The following ENOX1 variants were observed in gnomAD, a reference collection of about 807,000 sequenced individuals.
ENOX1 encodes the protein candidate growth-related and time keeping constitutive hydroquinone (NADH) oxidase.
ENOX1 carries 42 observed loss-of-function variants against 82.5 expected under a neutral mutation model. The observed-to-expected ratio is 0.51, with a 90% CI of 0.40 to 0.66. ENOX1 has a LOEUF of 0.66. Ranked by LOEUF, ENOX1 falls within the 30% of genes least tolerant of loss-of-function variation. ENOX1 has a pLI of 0.00. For synonymous variants in ENOX1, 271 were observed against 282.2 expected (o/e 0.96, Z 0.40); for missense variants, 608 against 811.6 (o/e 0.75, Z 3.05).
intron 12 of ENOX1, among the ~76,000 whole-genome samples, chr13:43,283,396 T>C (rs2045512502): frequency 6.6e-6 from 1 of 152,090 alleles, no homozygotes; most frequent in African/African-American, 2.4e-5. Flanking sequence ...GTTGCTATTT[T>C]AGTTATTTTT....
At chr13:43,661,998 T>C (rs1162159025) in intron 2 of ENOX1, among the ~76,000 whole-genome samples, 3 of 152,202 alleles carry the variant, frequency 2.0e-5, no homozygotes, top group Non-Finnish European at 4.4e-5. Flanking sequence ...AGATTGATTT[T>C]TTTTTATAGA....
chr13:43,350,287 T>C (rs2049687707), intron 8 of ENOX1, among the ~76,000 whole-genome samples: 1 of 152,234 alleles, frequency 6.6e-6, no homozygotes, highest in Non-Finnish European at 1.5e-5. Context: ...AAGACAGTCA[T>C]GATTTCACCG....
chr13:43,456,527 T>G (rs112722424), intron 3 of ENOX1, among the ~76,000 whole-genome samples: 2,827 of 152,236 alleles, frequency 0.019, 38 homozygotes, highest in Middle Eastern at 0.048. Context: ...CAGTCATTTT[T>G]TGGACTGAGT....
At chr13:43,703,125 ACTT>A (rs1275340422) in intron 1 of ENOX1, among the ~76,000 whole-genome samples, 1 of 152,014 alleles carries the variant, frequency 6.6e-6, no homozygotes, top group African/African-American at 2.4e-5. Flanking sequence ...AAAGCAATAA[ACTT>A]CTACTGTTTA....
At chr13:43,414,579 T>A (rs1400581289) in intron 3 of ENOX1, among the ~76,000 whole-genome samples, 2 of 152,204 alleles carry the variant, frequency 1.3e-5, no homozygotes, top group East Asian at 3.8e-4. Context: ...TCACCAACGA[T>A]CTTTCTACGA....
At chr13:43,515,748 A>T (rs1435200665) in intron 2 of ENOX1, among the ~76,000 whole-genome samples, 2 of 152,220 alleles carry the variant, frequency 1.3e-5, no homozygotes, top group African/African-American at 4.8e-5. Flanking sequence ...AAAGTGCTGG[A>T]GAGCAACTGC....
At chr13:43,224,710 T>G (rs1454075659) in intron 15 of ENOX1, among the ~76,000 whole-genome samples, 1 of 152,244 alleles carries the variant, frequency 6.6e-6, no homozygotes, top group African/African-American at 2.4e-5. Context: ...CAGCTCATTC[T>G]CCCCTTCTTG....
chr13:43,572,653 C>A (rs1382212288), intron 2 of ENOX1, among the ~76,000 whole-genome samples: 8 of 152,228 alleles, frequency 5.3e-5, no homozygotes, highest in Non-Finnish European at 1.0e-4. Context: ...AATCTCTGCT[C>A]TTCTGCCTTT....
At chr13:43,577,139 T>C (rs5803190) in intron 2 of ENOX1, among the ~76,000 whole-genome samples, 16 of 134,084 alleles carry the variant, frequency 1.2e-4, no homozygotes, top group South Asian at 2.5e-4. Flanking sequence ...TTTTTTTTTT[T>C]CTTTTTTTTT....
At position 43,497,875 on chromosome 13, in the gene ENOX1, C is replaced by T. The variant is rs560162595; in HGVS notation, c.-218-13723G>A. On this transcript the variant is annotated intron_variant, in intron 2 of 16. Coordinates refer to ENST00000690772, the MANE Select transcript of ENOX1 (RefSeq NM_001347969.2). ...GATCTGGAGTGTTCTTTGTGGGAAG[C>T]CTCTGAATTATAAATTCAATTTAGT... Among the ~76,000 whole-genome samples, 17 of 151,974 alleles carry T rather than the reference C, an allele frequency of 1.1e-4. No individual in the cohort carries two copies. The South Asian group carries it at 3.5e-3, about 32-fold the overall frequency.
chr13:43,338,892 A>T (rs558167042), intron 9 of ENOX1, among the ~76,000 whole-genome samples: 5 of 151,924 alleles, frequency 3.3e-5, no homozygotes, highest in African/African-American at 1.2e-4. Flanking sequence ...TCACCGTGTT[A>T]GCCAGGATGG....
chr13:43,219,050 T>G (rs1226939487), intron 16 of ENOX1, among the ~76,000 whole-genome samples: 1 of 152,184 alleles, frequency 6.6e-6, no homozygotes, highest in Non-Finnish European at 1.5e-5. Context: ...GGCTGAGCTC[T>G]GAGTGAAGTT....
In ENOX1 at chr13:43,482,601, G is replaced by C. The variant is rs141409374; in HGVS notation, c.-75+1408C>G. Among the ~76,000 whole-genome samples, 289 of 151,004 alleles carry C rather than the reference G, an allele frequency of 1.9e-3. 2 individuals carry two copies. The highest frequency in any genetic ancestry group is 6.8e-3 in the African/African-American group (278 of 41,124). On this transcript the variant is annotated intron_variant, in intron 3 of 16. Transcript: ENST00000690772. ...CACTAAAGTATGGACTTAAAAATTT[G>C]TTAAAGGGTAGATTTCATATTTTGT...
chr13:43,742,441 G>C (rs1949792313), intron 1 of ENOX1, among the ~76,000 whole-genome samples: 2 of 152,050 alleles, frequency 1.3e-5, no homozygotes, highest in African/African-American at 4.8e-5. Flanking sequence ...GAGACAGTGT[G>C]TGTGTGTGAG....
chr13:43,542,435 T>A (rs2078780065), intron 2 of ENOX1, among the ~76,000 whole-genome samples: 1 of 147,084 alleles, frequency 6.8e-6, no homozygotes, highest in Non-Finnish European at 1.5e-5. Context: ...CCCGGCCTTT[T>A]TTTTTTTTTT....
chr13:43,563,600 GA>G lies in ENOX1; in HGVS notation c.-218-79449del, dbSNP rs572597779. Among the ~76,000 whole-genome samples, 700 of 151,962 alleles carry G rather than the reference GA, an allele frequency of 4.6e-3. 1 individual carries two copies. The highest frequency in any genetic ancestry group is 0.016 in the African/African-American group (674 of 41,490). On this transcript the variant is annotated intron_variant, in intron 2 of 16. Transcript: ENST00000690772. ...TGATGAAATGAAAAGTTGGTTTTTC[GA>G]AAAGTTAAACAAAATTGACAAACCT...
Position 43,475,445 on chromosome 13 carries a change from G to T in ENOX1, c.-75+8564C>A, listed in dbSNP as rs183553317. 4.6e-5 allele frequency among the ~76,000 whole-genome samples: 7 copies of T among 152,194 alleles called. 1 individual carries two copies. The South Asian group carries it at 6.2e-4, about 14-fold the overall frequency. On this transcript the variant is annotated intron_variant, in intron 3 of 16. Transcript: ENST00000690772. ...TTGGCATAAATACTGTAGCTTAGTAGAATTCCATCAAATACAACAAAAATG... is the reference window on the plus strand; with the variant it reads ...TTGGCATAAATACTGTAGCTTAGTATAATTCCATCAAATACAACAAAAATG...
chr13:43,622,763 A>G (rs1161021768), intron 2 of ENOX1, among the ~76,000 whole-genome samples: 2 of 151,526 alleles, frequency 1.3e-5, no homozygotes, highest in East Asian at 1.9e-4. Context: ...CTTTCCAGAG[A>G]GCGTCAGCTG....
At chr13:43,663,688 C>T (rs1364648309) in intron 2 of ENOX1, among the ~76,000 whole-genome samples, 3 of 147,890 alleles carry the variant, frequency 2.0e-5, no homozygotes, top group African/African-American at 5.3e-5. Context: ...AATGAATGAA[C>T]AAACGAATGA....
Sources: allele counts gnomAD v4.1 joint callset (sites outside exome capture counted in the v4.1 genomes callset), GRCh38; gene constraint gnomAD v4.1.1; transcripts MANE v1.5; gene names NCBI Gene and HGNC (gene_info 2026-07-23, HGNC 2026-07-21).